The following WWC1 variants were observed in gnomAD, a reference collection of about 807,000 sequenced individuals.
The protein encoded by WWC1 is protein KIBRA.
WWC1 carries 55 observed loss-of-function variants against 138.4 expected under a neutral mutation model. The observed-to-expected ratio is 0.40, with a 90% CI of 0.32 to 0.50. The LOEUF (loss-of-function observed/expected upper bound fraction) is 0.50, where lower values mean the gene tolerates loss of function less well. Ranked by LOEUF, WWC1 falls within the 20% of genes least tolerant of loss-of-function variation. WWC1 has a pLI of 0.72. For missense variants in WWC1, 1,226 were observed against 1,420.4 expected (o/e 0.86, Z 2.20); for synonymous variants, 524 against 564.9 (o/e 0.93, Z 1.03).
intron 1 of WWC1, among the ~76,000 whole-genome samples, chr5:168,314,957 A>G (rs1308947296): frequency 1.3e-5 from 2 of 152,058 alleles, no homozygotes; most frequent in African/African-American, 2.4e-5. Flanking sequence ...GCCCCAACAC[A>G]TTCCTGAGAT....
intron 1 of WWC1, among the ~76,000 whole-genome samples, chr5:168,306,794 G>T (rs1412117275): frequency 6.6e-6 from 1 of 152,040 alleles, no homozygotes; most frequent in Admixed American, 6.6e-5. Context: ...ATGGGGTTTC[G>T]CCATGTTGGC....
intron 15 of WWC1, among the ~76,000 whole-genome samples, chr5:168,439,414 C>A (rs543914478): frequency 3.9e-4 from 58 of 150,338 alleles, no homozygotes; most frequent in African/African-American, 1.3e-3. Context: ...CACCTGAGAT[C>A]GGGAGTTCGA....
chr5:168,393,019 T>C (rs532185483), intron 3 of WWC1, among the ~76,000 whole-genome samples: 1 of 152,060 alleles, frequency 6.6e-6, no homozygotes, highest in South Asian at 2.1e-4. Context: ...AATTAAAATA[T>C]GAGAGTAGAA....
chr5:168,320,596 G>A (rs1771986301), intron 1 of WWC1, among the ~76,000 whole-genome samples: 1 of 152,180 alleles, frequency 6.6e-6, no homozygotes, highest in African/African-American at 2.4e-5. Flanking sequence ...CCCATAACAT[G>A]TGTAAGACTC....
At chr5:168,371,685 G>A (rs1488266687) in intron 2 of WWC1, 152 bp downstream of exon 2, 2 of 551,210 alleles carry the variant, frequency 3.6e-6, no homozygotes, top group African/African-American at 3.8e-5. Flanking sequence ...TGTCGATGTA[G>A]ATATAGATAG....
At chr5:168,447,827 C>T (rs1270222918) in intron 17 of WWC1, among the ~76,000 whole-genome samples, 1 of 151,940 alleles carries the variant, frequency 6.6e-6, no homozygotes, top group Non-Finnish European at 1.5e-5. Context: ...CCACTGACCC[C>T]TGGCCATCTC....
intron 1 of WWC1, among the ~76,000 whole-genome samples, chr5:168,363,115 G>A (rs1468499256): frequency 1.1e-4 from 16 of 152,274 alleles, no homozygotes; most frequent in South Asian, 2.1e-4. Context: ...AAGTGTTTAC[G>A]AGAAGAAGAA....
intron 3 of WWC1, among the ~76,000 whole-genome samples, chr5:168,386,060 A>T (rs1467284635): frequency 6.6e-6 from 1 of 151,556 alleles, no homozygotes; most frequent in Non-Finnish European, 1.5e-5. Flanking sequence ...GTGCCTTAGT[A>T]TGTGCCGGTC....
intron 1 of WWC1, among the ~76,000 whole-genome samples, chr5:168,323,144 A>G (rs1323819743): frequency 1.3e-5 from 2 of 152,262 alleles, no homozygotes; most frequent in Admixed American, 6.5e-5. Flanking sequence ...AAAATTCTAG[A>G]TGAAAATTAC....
intron 2 of WWC1, among the ~76,000 whole-genome samples, chr5:168,372,711 G>T (rs1441103350): frequency 5.3e-5 from 8 of 152,226 alleles, no homozygotes; most frequent in Admixed American, 3.3e-4. Context: ...GGAGAATGAA[G>T]TTGTACTTCT....
chr5:168,302,927 G>T (rs1010543616), intron 1 of WWC1, among the ~76,000 whole-genome samples: 1 of 152,162 alleles, frequency 6.6e-6, no homozygotes, highest in African/African-American at 2.4e-5. Flanking sequence ...ACCACCTGGA[G>T]GTCTTGTTAA....
chr5:168,355,323 G>A (rs545895553), intron 1 of WWC1, among the ~76,000 whole-genome samples: 2 of 151,860 alleles, frequency 1.3e-5, no homozygotes, highest in African/African-American at 4.8e-5. Context: ...TTGAAACCTC[G>A]TCTCCACTAA....
At chr5:168,429,500 C>T (rs2152858830) in intron 13 of WWC1, among the ~76,000 whole-genome samples, 1 of 152,170 alleles carries the variant, frequency 6.6e-6, no homozygotes, top group Admixed American at 6.5e-5. Flanking sequence ...CTCAAATGAT[C>T]TGCCCGCCTT....
intron 3 of WWC1, among the ~76,000 whole-genome samples, chr5:168,392,505 AG>A (rs1411896671): frequency 3.3e-5 from 5 of 152,144 alleles, no homozygotes; most frequent in Non-Finnish European, 7.4e-5. Context: ...TGGGCAACAT[AG>A]TAAGACCCCA....
intron 20 of WWC1, among the ~76,000 whole-genome samples, chr5:168,462,550 G>A (rs1249084336): frequency 6.6e-6 from 1 of 152,174 alleles, no homozygotes; most frequent in Non-Finnish European, 1.5e-5. Flanking sequence ...GATGTTCATG[G>A]TCCACTCCTG....
intron 19 of WWC1, among the ~76,000 whole-genome samples, chr5:168,459,073 G>A (rs2152889927): frequency 6.6e-6 from 1 of 151,938 alleles, no homozygotes; most frequent in Admixed American, 6.6e-5. Context: ...GGGCAACATG[G>A]TGAAACCTTG....
chr5:168,453,240 A>AG (rs397733372), intron 17 of WWC1, among the ~76,000 whole-genome samples: 3 of 151,890 alleles, frequency 2.0e-5, no homozygotes, highest in Non-Finnish European at 4.4e-5. Flanking sequence ...AAAAAAAAAA[A>AG]GGAATGAACC....
chr5:168,367,457 G>A (rs936832758), intron 1 of WWC1, among the ~76,000 whole-genome samples: 44 of 150,128 alleles, frequency 2.9e-4, no homozygotes, highest in African/African-American at 9.4e-4. Flanking sequence ...TCAGCCTCCC[G>A]AGTAGCTGGG....
chr5:168,329,446 G>A (rs116575152), intron 1 of WWC1, among the ~76,000 whole-genome samples: 92 of 152,238 alleles, frequency 6.0e-4, no homozygotes, highest in African/African-American at 2.2e-3. Flanking sequence ...CTTCCTTTTG[G>A]TAAATCTTAA....
Sources: allele counts gnomAD v4.1 joint callset (sites outside exome capture counted in the v4.1 genomes callset), GRCh38; gene constraint gnomAD v4.1.1; transcripts MANE v1.5; gene names NCBI Gene and HGNC (gene_info 2026-07-23, HGNC 2026-07-21).